The following MLIP variants were observed in gnomAD, a reference collection of about 807,000 sequenced individuals.
The protein encoded by MLIP is muscular LMNA interacting protein.
A neutral mutation model predicts 84.8 loss-of-function variants in MLIP; 79 were observed. That is an observed-to-expected ratio of 0.93 (90% CI 0.78 to 1.12). The LOEUF (loss-of-function observed/expected upper bound fraction) is 1.12, where lower values mean the gene tolerates loss of function less well. MLIP is among the 50% of genes most tolerant of loss of function. The pLI is 0.00. For synonymous variants in MLIP, 504 were observed against 463.0 expected (o/e 1.09, Z -1.14); for missense variants, 1,257 against 1,160.6 (o/e 1.08, Z -1.21).
At chr6:54,093,825 T>G (rs553178351) in intron 1 of MLIP, among the ~76,000 whole-genome samples, 1 of 152,306 alleles carries the variant, frequency 6.6e-6, no homozygotes, top group African/African-American at 2.4e-5. Context: ...TTGACTGCTT[T>G]TGTCATCCAG....
intron 1 of MLIP, among the ~76,000 whole-genome samples, chr6:54,098,330 C>CTT (rs11418224): frequency 0.021 from 2,455 of 116,242 alleles, 125 homozygotes; most frequent in South Asian, 0.059. Flanking sequence ...TTTTTAATTT[C>CTT]TTTTTTTTTT....
chr6:54,241,754 C>T (rs1262630823), intron 12 of MLIP, among the ~76,000 whole-genome samples: 1 of 151,950 alleles, frequency 6.6e-6, no homozygotes, highest in East Asian at 1.9e-4. Context: ...TTTTTCTTAG[C>T]CTTTTTTCTA....
At chr6:54,212,453 G>A (rs537993870) in intron 11 of MLIP, among the ~76,000 whole-genome samples, 5 of 152,134 alleles carry the variant, frequency 3.3e-5, no homozygotes, top group Admixed American at 3.3e-4. Context: ...TGTTTGGAGA[G>A]ATGGAAAGTC....
In MLIP at chr6:54,137,239, C is replaced by T; in HGVS notation, c.1170C>T (p.Thr390=). The T allele has an allele frequency of 1.3e-6, 2 of 1,536,090 alleles. No homozygotes were observed. The highest frequency in any genetic ancestry group is 1.7e-6 in the Non-Finnish European group (2 of 1,146,894). The change falls in exon 4 of 14, where the codon ACC becomes ACT. Residue 390 remains threonine, a synonymous_variant. Coordinates refer to ENST00000502396, the MANE Select transcript of MLIP (RefSeq NM_001281747.2). ...CCTCTTTCCACGGCTCTTCTTCCACCATCTGCAGCCAAATGTCATCTAGTG... is the reference window on the plus strand; with the variant it reads ...CCTCTTTCCACGGCTCTTCTTCCACTATCTGCAGCCAAATGTCATCTAGTG... ...FTSSFHGSSS[T]ICSQMSSSGN...
chr6:54,240,647 T>C (rs907351064), intron 12 of MLIP, among the ~76,000 whole-genome samples: 20 of 152,194 alleles, frequency 1.3e-4, no homozygotes, highest in Non-Finnish European at 2.2e-4. Flanking sequence ...CAGATTGGGC[T>C]GTTTGCTTCA....
At chr6:54,096,114 A>C (rs1768194584) in intron 1 of MLIP, among the ~76,000 whole-genome samples, 1 of 152,186 alleles carries the variant, frequency 6.6e-6, no homozygotes, top group Admixed American at 6.5e-5. Context: ...TTGTTCTTAC[A>C]AAGGAACTTT....
At chr6:54,251,751 T>G (rs1347853785) in intron 12 of MLIP, among the ~76,000 whole-genome samples, 1 of 99,636 alleles carries the variant, frequency 1.0e-5, no homozygotes, top group East Asian at 2.8e-4. Context: ...TATAATAGCA[T>G]ATAATATATA....
At chr6:54,076,066 T>G (rs1766785826) in intron 1 of MLIP, among the ~76,000 whole-genome samples, 1 of 152,218 alleles carries the variant, frequency 6.6e-6, no homozygotes. Flanking sequence ...TTCATTGGCT[T>G]TTAACCTATT....
intron 1 of MLIP, among the ~76,000 whole-genome samples, chr6:54,036,008 T>C (rs1236954815): frequency 6.6e-6 from 1 of 151,986 alleles, no homozygotes; most frequent in African/African-American, 2.4e-5. Flanking sequence ...CTTTTACAGA[T>C]CATGCTTTTG....
At chr6:54,107,636 T>C (rs1451755399), upstream of MLIP, among the ~76,000 whole-genome samples, 1 of 152,190 alleles carries the variant, frequency 6.6e-6, no homozygotes, top group African/African-American at 2.4e-5. Context: ...TGACATGCAT[T>C]GCCCATGCAG....
intron 1 of MLIP, among the ~76,000 whole-genome samples, chr6:54,056,338 C>A (rs1478077929): frequency 6.6e-6 from 1 of 152,138 alleles, no homozygotes; most frequent in Non-Finnish European, 1.5e-5. Flanking sequence ...GAGGCTTGAA[C>A]GTGAAAGGTC....
At chr6:54,054,267 C>G (rs1265834007) in intron 1 of MLIP, among the ~76,000 whole-genome samples, 1 of 152,142 alleles carries the variant, frequency 6.6e-6, no homozygotes, top group Non-Finnish European at 1.5e-5. Flanking sequence ...GAGTCAAGTT[C>G]TGCAGCTATT....
intron 4 of MLIP, among the ~76,000 whole-genome samples, chr6:54,147,740 TA>T (rs1370465496): frequency 6.6e-6 from 1 of 152,186 alleles, no homozygotes; most frequent in Non-Finnish European, 1.5e-5. Flanking sequence ...TATATATGTA[TA>T]TATTCATGTG....
chr6:54,160,295 C>A, intron 5 of MLIP, 72 bp from the exon 6 acceptor site: 1 of 1,226,092 alleles, frequency 8.2e-7, no homozygotes, highest in South Asian at 1.3e-5. Context: ...ACAAGGCTTT[C>A]TTTGAAGATA....
At chr6:54,112,715 T>A (rs771696778) in intron 1 of MLIP, among the ~76,000 whole-genome samples, 3 of 152,194 alleles carry the variant, frequency 2.0e-5, no homozygotes, top group Admixed American at 6.5e-5. Context: ...ATGTAGGATA[T>A]GGATGTTTCT....
At chr6:54,205,260 C>G (rs975364263) in intron 11 of MLIP, among the ~76,000 whole-genome samples, 1 of 152,186 alleles carries the variant, frequency 6.6e-6, no homozygotes. Flanking sequence ...AAAGTGTACT[C>G]AAATTCATTT....
chr6:54,155,406 A>G (rs1773917058), intron 5 of MLIP, among the ~76,000 whole-genome samples: 1 of 152,144 alleles, frequency 6.6e-6, no homozygotes, highest in South Asian at 2.1e-4. Flanking sequence ...TTTAGGCTAT[A>G]CATAATTTTG....
intron 9 of MLIP, among the ~76,000 whole-genome samples, chr6:54,180,272 CTTGA>C (rs1776720930): frequency 6.6e-6 from 1 of 152,020 alleles, no homozygotes; most frequent in Non-Finnish European, 1.5e-5. Context: ...CTTTTGGGAA[CTTGA>C]TTATTAAATG....
chr6:54,219,040 A>G (rs1317857111), intron 11 of MLIP, among the ~76,000 whole-genome samples: 1 of 150,970 alleles, frequency 6.6e-6, no homozygotes, highest in Non-Finnish European at 1.5e-5. Context: ...TGTCTCTACT[A>G]AAAGTACAAA....
Sources: allele counts gnomAD v4.1 joint callset (sites outside exome capture counted in the v4.1 genomes callset), GRCh38; gene constraint gnomAD v4.1.1; transcripts MANE v1.5; gene names NCBI Gene and HGNC (gene_info 2026-07-23, HGNC 2026-07-21).